ZNF501: variants seen among roughly 807,000 people sequenced by gnomAD.
The protein encoded by ZNF501 is zinc finger protein 501, also known as zinc finger protein 52.
Under a neutral mutation model 5.7 loss-of-function variants are expected in ZNF501, and 7 were observed. The ratio of observed to expected loss-of-function variants is 1.24; its 90% CI spans 0.70 to 2.32. The LOEUF (loss-of-function observed/expected upper bound fraction) is 2.32. Among genes scored for constraint, ZNF501 ranks in the 30% most tolerant of loss-of-function variants. The pLI is 0.00. For synonymous variants in ZNF501, 107 were observed against 101.9 expected (o/e 1.05, Z -0.30); for missense variants, 352 against 321.1 (o/e 1.10, Z -0.73).
Position 44,734,448 on chromosome 3 carries a change from A to G in ZNF501, c.27A>G (p.Arg9=). 6.2e-7 allele frequency: 1 copy of G among 1,613,312 alleles called. No individual in the cohort carries two copies. Among genetic ancestry groups the G allele is most frequent in the Admixed American group, 1.7e-5 (1 of 59,958 alleles). MNSSQISL[R]MKHGRVNMQK... is the part of the protein sequence containing the mutation. ...TGAATTCCAGCCAAATATCACTCAGAATGAAACATGGGAGAGTTAACATGC... is the reference window on the plus strand; with the variant it reads ...TGAATTCCAGCCAAATATCACTCAGGATGAAACATGGGAGAGTTAACATGC... The change falls in exon 3 of 3, where the codon AGA becomes AGG. Residue 9 remains arginine, a synonymous_variant. Coordinates refer to ENST00000620116, the MANE Select transcript of ZNF501 (RefSeq NM_001258280.2).
rs888636344 is a variant in ZNF501 at position 44,729,658 on chromosome 3, C to T, written c.-668C>T. The T allele has an allele frequency of 6.6e-6, 1 of 152,392 alleles. No homozygotes were observed. The highest frequency in any genetic ancestry group is 1.5e-5 in the Non-Finnish European group (1 of 68,192). The allele number at this position is 152,392 out of a possible 1,614,324, so 9.4% of individuals were successfully genotyped here. Reference sequence around the variant, plus strand: ...TTACTCCTTTCCGCAGGGCAGCACCCAGGGACCTGAGTGTTGCAAGGTGCG... The same window carrying T: ...TTACTCCTTTCCGCAGGGCAGCACCTAGGGACCTGAGTGTTGCAAGGTGCG... On this transcript the variant is annotated 5_prime_UTR_variant, in exon 1 of 3. Transcript: ENST00000620116.
chr3:44,736,732 T>TA lies in ZNF501; in HGVS notation c.*1496dup, dbSNP rs1479208572. ...GTTTTAATCTGCAGTTCACCAATAA[T>TA]ATATGAATTTAGCATCTTTTCATAT... On this transcript the variant is annotated 3_prime_UTR_variant, in exon 3 of 3. Coordinates refer to ENST00000620116, the MANE Select transcript of ZNF501 (RefSeq NM_001258280.2). 6.0e-6 allele frequency: 1 copy of TA among 167,120 alleles called. No homozygotes were observed. The highest frequency in any genetic ancestry group is 1.5e-5 in the Non-Finnish European group (1 of 68,124). The allele number at this position is 167,120 out of a possible 1,614,324, so 10.4% of individuals were successfully genotyped here.
rs2125873373 is a variant in ZNF501 at position 44,731,554 on chromosome 3, T to C, written c.-232T>C. On this transcript the variant is annotated 5_prime_UTR_variant, in exon 2 of 3. Transcript: ENST00000620116. ...TATTGCTTGTGCTCCTAACAACCTG[T>C]CTCTTGGTAAGTTAACTCTAACTAG... The C allele has an allele frequency of 6.6e-6, 1 of 152,268 alleles. No homozygotes were observed. Among genetic ancestry groups the C allele is most frequent in the African/African-American group, 2.4e-5 (1 of 41,552 alleles). 9.4% of individuals were successfully genotyped at this position (152,268 alleles called of 1,614,324 possible).
chr3:44,733,977 G>A (rs1373506492), intron 2 of ZNF501, among the ~76,000 whole-genome samples: 2 of 152,164 alleles, frequency 1.3e-5, no homozygotes, highest in Non-Finnish European at 1.5e-5. Context: ...TGTTTTTTGA[G>A]CAGTAGAGAC....
intron 2 of ZNF501, among the ~76,000 whole-genome samples, chr3:44,733,867 C>T (rs1393051271): frequency 6.6e-6 from 1 of 152,202 alleles, no homozygotes; most frequent in African/African-American, 2.4e-5. Flanking sequence ...GTGAAAGTTA[C>T]AGCCTGGATC....
Position 44,735,086 on chromosome 3 carries a change from AGT to A in ZNF501, c.669_670del (p.Cys223Ter). On this transcript the variant is annotated frameshift_variant, in exon 3 of 3. Coordinates refer to ENST00000620116, the MANE Select transcript of ZNF501 (RefSeq NM_001258280.2). LOFTEE classifies it high-confidence loss of function. ...GGAGAGAAACTTTATAAGTGTAGTG[AGT>A]GTGAAAAAACTTTCCGCAAACAAGC... 3 of 1,614,180 alleles carry A rather than the reference AGT, an allele frequency of 1.9e-6. No individual in the cohort carries two copies. Among genetic ancestry groups the A allele is most frequent in the Non-Finnish European group, 1.7e-6 (2 of 1,180,010 alleles).
At position 44,731,496 on chromosome 3, in the gene ZNF501, C is replaced by T. The variant is rs896183005; in HGVS notation, c.-290C>T. 6.6e-6 allele frequency: 1 copy of T among 152,182 alleles called. No individual in the cohort carries two copies. The highest frequency in any genetic ancestry group is 6.5e-5 in the Admixed American group (1 of 15,272). 9.4% of individuals were successfully genotyped at this position (152,182 alleles called of 1,614,324 possible). A position where few individuals can be genotyped will look rare whatever the true frequency, so the allele number is the denominator to read the frequency against. ...CTCAGTGCCTCAAATTCCTGCCTTT[C>T]CTCAAGAGAAGAGCCCCCAGGAGAA... On this transcript the variant is annotated 5_prime_UTR_variant, in exon 2 of 3. Coordinates refer to ENST00000620116, the MANE Select transcript of ZNF501 (RefSeq NM_001258280.2).
chr3:44,735,022 C>G lies in ZNF501; in HGVS notation c.601C>G (p.Gln201Glu). The change falls in exon 3 of 3, where the codon CAG becomes GAG. Residue 201 changes from glutamine (Q) to glutamate (E), a missense_variant. Coordinates refer to ENST00000620116, the MANE Select transcript of ZNF501 (RefSeq NM_001258280.2). ...CACTGAATGTGGTAAAGCCTTCACT[C>G]AGAACTCTTCCCTTGTTGAACATGA... ...TCTECGKAFT[Q>E]NSSLVEHERT... The G allele has an allele frequency of 6.2e-7, 1 of 1,614,138 alleles. No homozygotes were observed. The highest frequency in any genetic ancestry group is 8.5e-7 in the Non-Finnish European group (1 of 1,180,014).
chr3:44,734,725 G>A lies in ZNF501; in HGVS notation c.304G>A (p.Gly102Arg), dbSNP rs775719866. 1.2e-6 allele frequency: 2 copies of A among 1,614,118 alleles called. No individual in the cohort carries two copies. Among genetic ancestry groups the A allele is most frequent in the South Asian group, 1.1e-5 (1 of 91,074 alleles). The stretch of plus-strand genomic sequence containing the variant: ...TGTTCAGCATCTGAGAATTCATACT[G>A]GAGAGAAACCCTATAAATGCAATGA... Reference protein sequence around the residue: ...ILVQHLRIHTGEKPYKCNECG... With the variant: ...ILVQHLRIHTREKPYKCNECG... The change falls in exon 3 of 3, where the codon GGA becomes AGA. Residue 102 changes from glycine (G) to arginine (R), a missense_variant. Physicochemically the swap from Gly to Arg is moderately radical, Grantham distance 125. Transcript: ENST00000620116.
chr3:44,732,662 G>A (rs923704714), intron 2 of ZNF501, among the ~76,000 whole-genome samples: 1 of 152,096 alleles, frequency 6.6e-6, no homozygotes, highest in Non-Finnish European at 1.5e-5. Context: ...ATTTTTTAGT[G>A]GGAAATAAAA....
In ZNF501 at chr3:44,734,711, T is replaced by C; in HGVS notation, c.290T>C (p.Leu97Pro). 2 of 1,614,150 alleles carry C rather than the reference T, an allele frequency of 1.2e-6. No homozygotes were observed. Residue 97 changes from leucine to proline, a missense_variant, in exon 3 of 3, where the codon CTG becomes CCG. By Grantham distance (98) the Leu-to-Pro change is moderately conservative (BLOSUM62 -3). Transcript: ENST00000620116. ...FQTKAILVQH[L>P]RIHTGEKPYK... The stretch of plus-strand genomic sequence containing the variant: ...ACAAAAGCAATTCTTGTTCAGCATC[T>C]GAGAATTCATACTGGAGAGAAACCC...
Position 44,735,165 on chromosome 3 carries a change from T to C in ZNF501, c.744T>C (p.Cys248=). Residue 248 remains cysteine (C), a synonymous_variant, in exon 3 of 3, where the codon TGT becomes TGC. Transcript: ENST00000620116. ...RIHTGEKPYE[C]VGCGKSFRHS... is the part of the protein sequence containing the mutation. ...ATACTGGAGAAAAACCTTATGAGTG[T>C]GTTGGATGTGGGAAATCCTTTAGGC... is the stretch of plus-strand genomic sequence containing the variant. 1.2e-6 allele frequency: 2 copies of C among 1,612,850 alleles called. No individual in the cohort carries two copies. The highest frequency in any genetic ancestry group is 1.7e-6 in the Non-Finnish European group (2 of 1,179,216).
At position 44,736,366 on chromosome 3, in the gene ZNF501, A is replaced by G. The variant is rs1704700428; in HGVS notation, c.*1129A>G. On this transcript the variant is annotated 3_prime_UTR_variant, in exon 3 of 3. Coordinates refer to ENST00000620116, the MANE Select transcript of ZNF501 (RefSeq NM_001258280.2). ...CCTTGCAAGAAAGGTAGGAGTTACT[A>G]TTCACATCCTAGAGTCAAGGAAAAA... is the stretch of plus-strand genomic sequence containing the variant. 1 of 167,092 alleles carries G rather than the reference A, an allele frequency of 6.0e-6. No individual in the cohort carries two copies. The highest frequency in any genetic ancestry group is 1.5e-5 in the Non-Finnish European group (1 of 68,120). The allele number at this position is 167,092 out of a possible 1,614,324, so 10.4% of individuals were successfully genotyped here. A position where few individuals can be genotyped will look rare whatever the true frequency, so the allele number is the denominator to read the frequency against.
At chr3:44,733,643 T>TTGG (rs1366187141) in intron 2 of ZNF501, among the ~76,000 whole-genome samples, 4 of 134,470 alleles carry the variant, frequency 3.0e-5, no homozygotes. Context: ...CAATTAAACC[T>TTGG]TCTTCTTTAA....
rs372952554 is a variant in ZNF501 at position 44,734,904 on chromosome 3, T to C, written c.483T>C (p.Pro161=). 1.9e-5 allele frequency: 30 copies of C among 1,613,786 alleles called. No individual in the cohort carries two copies. In the African/African-American group the frequency reaches 3.6e-4, roughly 19 times the overall value. The change falls in exon 3 of 3, where the codon CCT becomes CCC. Residue 161 remains proline, a synonymous_variant. Coordinates refer to ENST00000620116, the MANE Select transcript of ZNF501 (RefSeq NM_001258280.2). ...AGAGAAGTCATTCTGGAGATAAACCTTTTAAGTGTAATGAATGTGGGAAAG... is the reference window on the plus strand; with the variant it reads ...AGAGAAGTCATTCTGGAGATAAACCCTTTAAGTGTAATGAATGTGGGAAAG... ...RHQRSHSGDK[P]FKCNECGKAF...
At position 44,735,158 on chromosome 3, in the gene ZNF501, A is replaced by G; in HGVS notation, c.737A>G (p.Tyr246Cys). 6.2e-7 allele frequency: 1 copy of G among 1,613,690 alleles called. No homozygotes were observed. Among genetic ancestry groups the G allele is most frequent in the Middle Eastern group, 1.7e-4 (1 of 6,058 alleles). ...AGAATTCATACTGGAGAAAAACCTT[A>G]TGAGTGTGTTGGATGTGGGAAATCC... ...HYRIHTGEKPYECVGCGKSFR... is the reference protein window; with the variant it reads ...HYRIHTGEKPCECVGCGKSFR... The change falls in exon 3 of 3, where the codon TAT becomes TGT. Residue 246 changes from tyrosine (Y) to cysteine (C), a missense_variant. Physicochemically the swap from Tyr to Cys is radical, Grantham distance 194. Coordinates refer to ENST00000620116, the MANE Select transcript of ZNF501 (RefSeq NM_001258280.2).
In ZNF501 at chr3:44,734,851, A is replaced by C. The variant is rs748157067; in HGVS notation, c.430A>C (p.Ser144Arg). 3.1e-6 allele frequency: 5 copies of C among 1,613,928 alleles called. No individual in the cohort carries two copies. The South Asian group carries it at 5.5e-5, about 18-fold the overall frequency. ...ATGTACAGAATGTGGCAAAGCCTTCAGTCAGAGCATATGCCTTACTCGTCA... is the reference window on the plus strand; with the variant it reads ...ATGTACAGAATGTGGCAAAGCCTTCCGTCAGAGCATATGCCTTACTCGTCA... The part of the protein sequence containing the change: ...YKCTECGKAF[S>R]QSICLTRHQR... Residue 144 changes from serine to arginine, a missense_variant, in exon 3 of 3, where the codon AGT (serine) becomes CGT (arginine). Transcript: ENST00000620116.
chr3:44,734,329 C>A lies in ZNF501; in HGVS notation c.-93C>A. 1 of 1,108,716 alleles carries A rather than the reference C, an allele frequency of 9.0e-7. No individual in the cohort carries two copies. The allele number at this position is 1,108,716 out of a possible 1,614,324, so 68.7% of individuals were successfully genotyped here. Reference sequence around the variant, plus strand: ...TGTGATGTGTGTGAGCACACACACACAGTAACCTTTCCTAGGAGAACTGTA... The same window carrying A: ...TGTGATGTGTGTGAGCACACACACAAAGTAACCTTTCCTAGGAGAACTGTA... On this transcript the variant is annotated 5_prime_UTR_variant, in exon 3 of 3. Coordinates refer to ENST00000620116, the MANE Select transcript of ZNF501 (RefSeq NM_001258280.2).
chr3:44,729,891 A>G lies in ZNF501; in HGVS notation c.-435A>G, dbSNP rs1484492870. ...TCGAGAGCCCTAGGCTGGGAGTCGG[A>G]GGACCTGGGTTCGATTTATACATAC... On this transcript the variant is annotated 5_prime_UTR_variant, in exon 1 of 3. Transcript: ENST00000620116. 6.6e-6 allele frequency: 1 copy of G among 152,270 alleles called. No homozygotes were observed. Among genetic ancestry groups the G allele is most frequent in the African/African-American group, 2.4e-5 (1 of 41,468 alleles). 9.4% of individuals were successfully genotyped at this position (152,270 alleles called of 1,614,324 possible).
Sources: gnomAD v4.1 joint callset for allele counts (sites outside exome capture counted in the v4.1 genomes callset) on GRCh38, gnomAD v4.1.1 for gene constraint, MANE v1.5 for transcripts, NCBI Gene and HGNC (gene_info 2026-07-23, HGNC 2026-07-21) for gene names.